KCTD16: variants seen among roughly 807,000 people sequenced by gnomAD.
The protein encoded by KCTD16 is BTB/POZ domain-containing protein KCTD16.
Under a neutral mutation model 33.2 loss-of-function variants are expected in KCTD16, and 13 were observed. The ratio of observed to expected loss-of-function variants is 0.39; its 90% confidence interval spans 0.25 to 0.62. The LOEUF (loss-of-function observed/expected upper bound fraction) is 0.62, where lower values mean the gene tolerates loss of function less well. KCTD16 is among the 20% of genes least tolerant of loss of function. KCTD16 has a pLI of 0.50. For missense variants in KCTD16, 441 were observed against 525.1 expected, an observed-to-expected ratio of 0.84 and a Z score of 1.57; for synonymous variants, 197 against 195.3, an observed-to-expected ratio of 1.01 and a Z score of -0.07.
chr5:144,290,245 A>G (rs1755858789), intron 3 of KCTD16, among the ~76,000 whole-genome samples: 1 of 152,162 alleles, frequency 6.6e-6, no homozygotes, highest in Non-Finnish European at 1.5e-5. Context: ...CAGTGAGCTG[A>G]GATGGCACCA....
chr5:144,437,891 TG>T (rs1753614660), intron 3 of KCTD16, among the ~76,000 whole-genome samples: 1 of 152,194 alleles, frequency 6.6e-6, no homozygotes, highest in Non-Finnish European at 1.5e-5. Flanking sequence ...AGATCTTTGC[TG>T]CTCATTACAA....
intron 1 of KCTD16, among the ~76,000 whole-genome samples, chr5:144,172,704 T>C (rs1439670496): frequency 1.3e-5 from 2 of 152,218 alleles, no homozygotes; most frequent in Admixed American, 1.3e-4. Flanking sequence ...TCAGCATAAT[T>C]ATTAATGTTG....
chr5:144,249,004 C>T (rs1580819145), intron 3 of KCTD16, among the ~76,000 whole-genome samples: 3 of 152,118 alleles, frequency 2.0e-5, no homozygotes, highest in Admixed American at 6.5e-5. Flanking sequence ...GAAATCAGAT[C>T]GAGTCACTCT....
chr5:144,319,303 A>G (rs993606591), intron 3 of KCTD16, among the ~76,000 whole-genome samples: 2 of 152,324 alleles, frequency 1.3e-5, no homozygotes, highest in South Asian at 4.1e-4. Context: ...AAAATAACTT[A>G]CGCAGACTCA....
At chr5:144,317,108 G>A (rs1259188283) in intron 3 of KCTD16, among the ~76,000 whole-genome samples, 1 of 151,950 alleles carries the variant, frequency 6.6e-6, no homozygotes, top group Non-Finnish European at 1.5e-5. Flanking sequence ...TTACAGGTGT[G>A]AGCCACCAAG....
intron 3 of KCTD16, among the ~76,000 whole-genome samples, chr5:144,300,660 A>T (rs1751407043): frequency 6.6e-6 from 1 of 152,222 alleles, no homozygotes; most frequent in Non-Finnish European, 1.5e-5. Flanking sequence ...ATGCCCCACT[A>T]GTGAAGACAT....
chr5:144,214,259 A>G (rs1441075190), intron 3 of KCTD16, among the ~76,000 whole-genome samples: 1 of 152,100 alleles, frequency 6.6e-6, no homozygotes, highest in East Asian at 1.9e-4. Context: ...CGCTGATGGA[A>G]AGGCCATGAG....
intron 3 of KCTD16, among the ~76,000 whole-genome samples, chr5:144,378,799 G>C (rs1752148532): frequency 6.6e-6 from 1 of 152,172 alleles, no homozygotes; most frequent in South Asian, 2.1e-4. Context: ...GGCATGGATT[G>C]AGCTGAACCA....
intron 3 of KCTD16, among the ~76,000 whole-genome samples, chr5:144,394,509 C>T (rs1391294923): frequency 1.3e-5 from 2 of 152,164 alleles, no homozygotes; most frequent in Non-Finnish European, 2.9e-5. Context: ...TATGAACATA[C>T]AAATTAAGTA....
intron 3 of KCTD16, among the ~76,000 whole-genome samples, chr5:144,279,396 A>G (rs1212516895): frequency 3.3e-5 from 5 of 152,228 alleles, no homozygotes; most frequent in Non-Finnish European, 7.3e-5. Context: ...AGGAGAAAGT[A>G]TTCATTCTTT....
At chr5:144,428,791 C>T (rs1753393160) in intron 3 of KCTD16, among the ~76,000 whole-genome samples, 1 of 152,082 alleles carries the variant, frequency 6.6e-6, no homozygotes, top group Admixed American at 6.6e-5. Flanking sequence ...TGACAGAGCA[C>T]AGTGGAAAAT....
At chr5:144,365,512 A>G (rs912481766) in intron 3 of KCTD16, among the ~76,000 whole-genome samples, 1 of 152,180 alleles carries the variant, frequency 6.6e-6, no homozygotes, top group Non-Finnish European at 1.5e-5. Flanking sequence ...TCCTATTCCC[A>G]TTTGAAATTC....
chr5:144,318,890 TA>T (rs1433779736), intron 3 of KCTD16, among the ~76,000 whole-genome samples: 2 of 152,208 alleles, frequency 1.3e-5, no homozygotes, highest in Admixed American at 6.5e-5. Context: ...AACTGGCATA[TA>T]AAACTTGTGA....
rs1451882548 is a variant in KCTD16 at position 144,206,789 on chromosome 5, G to A, written c.75G>A (p.Glu25=). The change falls in exon 3 of 4, where the codon GAG becomes GAA. Residue 25 remains glutamate, a synonymous_variant. Transcript: ENST00000512467. ...CCGCAGTTCCCAACTCCTTCCCTGA[G>A]GTGGTAGAGCTGAATGTCGGGGGTC... ...QGSAVPNSFP[E]VVELNVGGQV... The A allele has an allele frequency of 6.2e-7, 1 of 1,614,142 alleles. No individual in the cohort carries two copies. The highest frequency in any genetic ancestry group is 2.2e-5 in the East Asian group (1 of 44,862).
intron 3 of KCTD16, among the ~76,000 whole-genome samples, chr5:144,464,107 T>C (rs990157502): frequency 2.6e-5 from 4 of 152,196 alleles, no homozygotes; most frequent in African/African-American, 9.7e-5. Context: ...ATTTCCTTCA[T>C]CTACTTTCAC....
chr5:144,173,072 G>A (rs540279191), intron 1 of KCTD16, among the ~76,000 whole-genome samples: 5 of 152,276 alleles, frequency 3.3e-5, no homozygotes, highest in East Asian at 3.9e-4. Flanking sequence ...ACAGTGTGGC[G>A]AATCCTCAAA....
chr5:144,281,369 C>G (rs778691235), intron 3 of KCTD16, among the ~76,000 whole-genome samples: 1 of 152,174 alleles, frequency 6.6e-6, no homozygotes, highest in Non-Finnish European at 1.5e-5. Flanking sequence ...TAGATGCACT[C>G]TGTACATTTT....
intron 3 of KCTD16, among the ~76,000 whole-genome samples, chr5:144,391,610 A>G (rs1429547373): frequency 1.3e-5 from 2 of 152,160 alleles, no homozygotes; most frequent in African/African-American, 2.4e-5. Flanking sequence ...CAGCACTACA[A>G]TATTGGGCAA....
At chr5:144,307,336 A>T (rs2126874857) in intron 3 of KCTD16, among the ~76,000 whole-genome samples, 1 of 152,306 alleles carries the variant, frequency 6.6e-6, no homozygotes, top group African/African-American at 2.4e-5. Flanking sequence ...TCACAGCAGC[A>T]TTATCATCAT....
Sources: allele counts gnomAD v4.1 joint callset (sites outside exome capture counted in the v4.1 genomes callset), GRCh38; gene constraint gnomAD v4.1.1; transcripts MANE v1.5; gene names NCBI Gene and HGNC (gene_info 2026-07-23, HGNC 2026-07-21).